MYRIP: variants seen among roughly 807,000 people sequenced by gnomAD.
MYRIP encodes the protein rab effector MyRIP.
Under a neutral mutation model 98.0 loss-of-function variants are expected in MYRIP, and 49 were observed. The ratio of observed to expected loss-of-function variants is 0.50; its 90% CI spans 0.40 to 0.63. The LOEUF is 0.63. MYRIP is among the 30% of genes least tolerant of loss of function. MYRIP has a pLI of 0.00. For synonymous variants in MYRIP, 404 were observed against 409.5 expected (o/e 0.99, Z 0.16); for missense variants, 1,004 against 1,058.2 (o/e 0.95, Z 0.71).
At chr3:39,910,546 T>C (rs1293218539) in intron 2 of MYRIP, among the ~76,000 whole-genome samples, 5 of 152,226 alleles carry the variant, frequency 3.3e-5, no homozygotes, top group Non-Finnish European at 5.9e-5. Flanking sequence ...ACTTTGAGTA[T>C]GTCTTATCCA....
chr3:40,095,657 C>T (rs1044154003), intron 3 of MYRIP, among the ~76,000 whole-genome samples: 3 of 152,098 alleles, frequency 2.0e-5, no homozygotes, highest in African/African-American at 7.2e-5. Flanking sequence ...CAGCCACCCC[C>T]AATGCAGAGA....
intron 3 of MYRIP, among the ~76,000 whole-genome samples, chr3:40,113,826 A>T (rs1949212843): frequency 6.6e-6 from 1 of 152,096 alleles, no homozygotes; most frequent in African/African-American, 2.4e-5. Context: ...AGTAGCTGGA[A>T]CTACAGGCGC....
chr3:39,922,758 G>A (rs1944333244), intron 2 of MYRIP, among the ~76,000 whole-genome samples: 1 of 152,124 alleles, frequency 6.6e-6, no homozygotes, highest in Non-Finnish European at 1.5e-5. Context: ...AAGATTCAGA[G>A]TTTCAGAACA....
intron 3 of MYRIP, among the ~76,000 whole-genome samples, chr3:40,127,091 T>TA (rs1218744271): frequency 6.6e-6 from 1 of 152,228 alleles, no homozygotes; most frequent in Admixed American, 6.5e-5. Flanking sequence ...TGGTGGTCCA[T>TA]ATAGAATAAC....
At chr3:40,085,217 A>G (rs1002435043) in intron 3 of MYRIP, among the ~76,000 whole-genome samples, 2 of 151,614 alleles carry the variant, frequency 1.3e-5, no homozygotes, top group African/African-American at 4.8e-5. Flanking sequence ...ATATGTGTCT[A>G]TGTGTTATAT....
rs145803996 is a variant in MYRIP, at chr3:39,943,357, G to C, written c.110+42431G>C. ...AAAAACAAATGGAAAACAACTTGCT[G>C]TTGTTCCATGTCCTTACTCTGATGC... On this transcript the variant is annotated intron_variant, in intron 2 of 16. Transcript: ENST00000302541. 4.6e-5 allele frequency among the ~76,000 whole-genome samples: 7 copies of C among 152,264 alleles called. No homozygotes were observed. The East Asian group carries it at 1.2e-3, about 25-fold the overall frequency.
chr3:40,134,457 G>T (rs552508824), intron 3 of MYRIP, among the ~76,000 whole-genome samples: 1 of 152,242 alleles, frequency 6.6e-6, no homozygotes, highest in Non-Finnish European at 1.5e-5. Flanking sequence ...ACCTCTGGGG[G>T]CAGGGCACAG....
At chr3:40,058,398 A>G (rs191576846) in intron 3 of MYRIP, among the ~76,000 whole-genome samples, 3 of 152,316 alleles carry the variant, frequency 2.0e-5, no homozygotes, top group East Asian at 1.9e-4. Context: ...ACAAACATCA[A>G]TTGAAAACTA....
chr3:40,178,755 A>G (rs1337672958), intron 8 of MYRIP, among the ~76,000 whole-genome samples: 1 of 152,212 alleles, frequency 6.6e-6, no homozygotes, highest in Non-Finnish European at 1.5e-5. Flanking sequence ...GATCCCACAT[A>G]GCAAGAGGAG....
intron 1 of MYRIP, among the ~76,000 whole-genome samples, chr3:39,874,625 T>C (rs1267348024): frequency 2.0e-5 from 3 of 152,224 alleles, no homozygotes; most frequent in African/African-American, 7.2e-5. Flanking sequence ...TTGGTTCTGT[T>C]TATATGCTGG....
intron 3 of MYRIP, among the ~76,000 whole-genome samples, chr3:40,149,476 A>G (rs144228261): frequency 9.8e-5 from 15 of 152,364 alleles, no homozygotes; most frequent in African/African-American, 3.4e-4. Flanking sequence ...GCTTCACTGT[A>G]TGGTGTTAAT....
chr3:39,969,656 A>G (rs548079382), intron 2 of MYRIP, among the ~76,000 whole-genome samples: 4 of 152,298 alleles, frequency 2.6e-5, no homozygotes, highest in African/African-American at 9.6e-5. Flanking sequence ...TCAACCTTGC[A>G]TCTTGGGGAT....
chr3:40,243,400 T>TAAAA (rs10655936), intron 12 of MYRIP, among the ~76,000 whole-genome samples: 4 of 135,140 alleles, frequency 3.0e-5, no homozygotes, highest in African/African-American at 8.3e-5. Flanking sequence ...TCACTAAGTG[T>TAAAA]AAAAAAAAAA....
chr3:39,824,120 G>A (rs904706825), intron 1 of MYRIP, among the ~76,000 whole-genome samples: 14 of 151,970 alleles, frequency 9.2e-5, no homozygotes, highest in African/African-American at 2.9e-4. Context: ...TCCTTTCCTC[G>A]GTGAATGCTC....
At chr3:40,213,834 G>T (rs79493002) in intron 11 of MYRIP, among the ~76,000 whole-genome samples, 3 of 152,046 alleles carry the variant, frequency 2.0e-5, no homozygotes, top group East Asian at 3.9e-4. Flanking sequence ...TCCCAGGAGC[G>T]GGAGTGAGGC....
rs539008451 is a variant in MYRIP at position 40,139,259 on chromosome 3, G to A, written c.333-11789G>A. Among the ~76,000 whole-genome samples, 139 of 152,120 alleles carry A rather than the reference G, an allele frequency of 9.1e-4. 1 individual carries two copies. Among genetic ancestry groups the A allele is most frequent in the African/African-American group, 3.3e-3 (136 of 41,490 alleles). ...TTTTTGGGGGCTAAACCTTATTAAG[G>A]TATAATTTACAAAGAGTATGTTGCA... is the stretch of plus-strand genomic sequence containing the variant. On this transcript the variant is annotated intron_variant, in intron 3 of 16. Transcript: ENST00000302541.
Position 40,212,233 on chromosome 3 carries a change from CACACACACACACAT to C in MYRIP, c.1905+2142_1905+2155del, listed in dbSNP as rs1559456850. On this transcript the variant is annotated intron_variant, in intron 11 of 16. Transcript: ENST00000302541. ...GTGTGTATATATATATATACACACA[CACACACACACACAT>C]ATATATATATACACGTATATATATA... Among the ~76,000 whole-genome samples the C allele has an allele frequency of 3.1e-4, 14 of 45,574 alleles. 3 individuals carry two copies. The East Asian group carries it at 5.0e-3, about 16-fold the overall frequency. 29.9% of individuals were successfully genotyped at this position (45,574 alleles called of 152,430 possible).
Position 40,010,949 on chromosome 3 carries a change from G to A in MYRIP, c.111-33101G>A, listed in dbSNP as rs954448212. On this transcript the variant is annotated intron_variant, in intron 2 of 16. Transcript: ENST00000302541. ...CAGAGTTAGTTTTATCTGCATATAT[G>A]TGAATAACCCATTTCTCTTTTACAT... 1.3e-4 allele frequency among the ~76,000 whole-genome samples: 20 copies of A among 152,094 alleles called. 1 individual carries two copies. The highest frequency in any genetic ancestry group is 1.2e-3 in the Admixed American group (19 of 15,266).
intron 7 of MYRIP, among the ~76,000 whole-genome samples, chr3:40,168,316 T>A (rs1950540760): frequency 6.6e-6 from 1 of 152,210 alleles, no homozygotes. Context: ...GTATCATAAG[T>A]CAAAATGCAT....
Sources: gnomAD v4.1 joint callset for allele counts (sites outside exome capture counted in the v4.1 genomes callset) on GRCh38, gnomAD v4.1.1 for gene constraint, MANE v1.5 for transcripts, NCBI Gene and HGNC (gene_info 2026-07-23, HGNC 2026-07-21) for gene names.